HIGD1C: variants seen among roughly 807,000 people sequenced by gnomAD.
HIGD1C encodes the protein HIG1 hypoxia inducible domain family member 1C, also known as HIG1 domain family member 1C.
A neutral mutation model predicts 13.1 loss-of-function variants in HIGD1C; 11 were observed. The observed-to-expected ratio is 0.84, with a 90% CI of 0.53 to 1.39. HIGD1C has a LOEUF of 1.39. HIGD1C is among the 40% of genes most tolerant of loss of function. HIGD1C has a pLI of 0.00. For synonymous variants in HIGD1C, 36 were observed against 37.7 expected (o/e 0.95, Z 0.17); for missense variants, 110 against 112.0 (o/e 0.98, Z 0.08).
Position 50,962,203 on chromosome 12 carries a change from T to C in HIGD1C, c.229+1101T>C, listed in dbSNP as rs1939358072. On this transcript the variant is annotated intron_variant, in intron 2 of 2. Coordinates refer to ENST00000398455, the Ensembl canonical transcript of HIGD1C. ...GAGTTCGATACCAGCCTGGCCAACATGGCAAAACCCCATCTCTACTAAAAA... is the reference window on the plus strand; with the variant it reads ...GAGTTCGATACCAGCCTGGCCAACACGGCAAAACCCCATCTCTACTAAAAA... Among the ~76,000 whole-genome samples the C allele has an allele frequency of 2.0e-5, 3 of 151,354 alleles. No individual in the cohort carries two copies. The Admixed American group carries it at 2.0e-4, about 10-fold the overall frequency.
intron 1 of HIGD1C, 120 bp from the exon 4 acceptor site, chr12:50,960,847 TA>T: frequency 1.2e-6 from 1 of 804,458 alleles, no homozygotes; most frequent in African/African-American, 1.8e-5. Flanking sequence ...CATGTGTGGC[TA>T]ATTTTTTTTT....
intron 2 of HIGD1C, among the ~76,000 whole-genome samples, chr12:50,969,570 G>A (rs11169640): frequency 0.071 from 10,771 of 151,856 alleles, 725 homozygotes; most frequent in East Asian, 0.28. Context: ...CATGGTGGTG[G>A]TGCCTGTAAT....
chr12:50,958,000 T>C (rs1199985134), intron 1 of HIGD1C, among the ~76,000 whole-genome samples: 1 of 136,184 alleles, frequency 7.3e-6, no homozygotes, highest in Admixed American at 7.4e-5. Context: ...GAGGCAGGGT[T>C]TTACCATTTT....
At chr12:50,968,389 TTG>T (rs1001722646) in intron 2 of HIGD1C, among the ~76,000 whole-genome samples, 6 of 151,948 alleles carry the variant, frequency 3.9e-5, no homozygotes, top group African/African-American at 1.2e-4. Flanking sequence ...GATTCTTTTT[TTG>T]TGTGTGTGTG....
chr12:50,946,416 C>T, the HIGD1C span, among the ~76,000 whole-genome samples: 20 of 152,058 alleles, frequency 1.3e-4, no homozygotes, highest in Admixed American at 5.2e-4. Flanking sequence ...AACAAGTGGG[C>T]GAAGGATATG....
intron 1 of HIGD1C, 133 bp downstream of exon 3, chr12:50,954,225 G>A (rs1939004596): frequency 1.8e-6 from 1 of 570,018 alleles, no homozygotes; most frequent in Non-Finnish European, 3.1e-6. Context: ...CTCTAAGCAT[G>A]TGTTGAACTT....
chr12:50,968,800 C>T (rs1939647349), intron 2 of HIGD1C, among the ~76,000 whole-genome samples: 1 of 151,898 alleles, frequency 6.6e-6, no homozygotes, highest in Non-Finnish European at 1.5e-5. Context: ...CCTTGGCCTC[C>T]CAAAGTGCTG....
At chr12:50,951,682 G>C (rs73090647), upstream of HIGD1C, among the ~76,000 whole-genome samples, 27,554 of 151,902 alleles carry the variant, frequency 0.18, 2,872 homozygotes, top group East Asian at 0.5. Flanking sequence ...ACTTTTGGGA[G>C]GCCAAGGTGG....
upstream of HIGD1C, among the ~76,000 whole-genome samples, chr12:50,950,975 C>T (rs565112067): frequency 2.7e-5 from 4 of 150,906 alleles, no homozygotes; most frequent in South Asian, 2.1e-4. Context: ...TGAGCCACCG[C>T]GCCCGGCCAT....
At chr12:50,934,005 T>G in the HIGD1C span, among the ~76,000 whole-genome samples, 1 of 152,226 alleles carries the variant, frequency 6.6e-6, no homozygotes, top group Admixed American at 6.5e-5. Context: ...TGGGAGATAC[T>G]GCTCTGGGAG....
intron 1 of HIGD1C, among the ~76,000 whole-genome samples, chr12:50,954,878 A>G (rs922535884): frequency 6.6e-6 from 1 of 152,166 alleles, no homozygotes; most frequent in Non-Finnish European, 1.5e-5. Flanking sequence ...CTATCTGAAC[A>G]CTTGTGAGCA....
intron 1 of HIGD1C, among the ~76,000 whole-genome samples, chr12:50,955,358 A>T (rs1030034552): frequency 1.3e-5 from 2 of 152,200 alleles, no homozygotes; most frequent in African/African-American, 4.8e-5. Context: ...TACATTTTCA[A>T]CAAGTATTAT....
At chr12:50,953,240 G>A (rs1311449365), upstream of HIGD1C, among the ~76,000 whole-genome samples, 3 of 152,316 alleles carry the variant, frequency 2.0e-5, no homozygotes, top group Admixed American at 6.5e-5. Flanking sequence ...ACAGACAGCA[G>A]GTGGCGGGGT....
chr12:50,969,666 C>A (rs1050605893), intron 2 of HIGD1C, among the ~76,000 whole-genome samples: 9 of 150,874 alleles, frequency 6.0e-5, no homozygotes, highest in African/African-American at 2.2e-4. Flanking sequence ...GCCATTGTAC[C>A]ACTCCAGCCT....
chr12:50,957,624 C>T (rs1939148219), intron 1 of HIGD1C, among the ~76,000 whole-genome samples: 2 of 151,912 alleles, frequency 1.3e-5, no homozygotes, highest in Admixed American at 1.3e-4. Context: ...GTGGCTCACG[C>T]CTATAATCCC....
At chr12:50,968,821 C>T (rs147007038) in intron 2 of HIGD1C, among the ~76,000 whole-genome samples, 2,416 of 151,890 alleles carry the variant, frequency 0.016, 61 homozygotes, top group African/African-American at 0.055. Context: ...GGATTACAGG[C>T]ATGAGCCACC....
the HIGD1C span, among the ~76,000 whole-genome samples, chr12:50,947,653 C>T: frequency 2.6e-5 from 4 of 152,120 alleles, no homozygotes; most frequent in Admixed American, 6.5e-5. Flanking sequence ...GTAACACATT[C>T]CCAGGTTCTG....
chr12:50,959,278 C>T (rs1202224455), intron 1 of HIGD1C, among the ~76,000 whole-genome samples: 1 of 151,840 alleles, frequency 6.6e-6, no homozygotes, highest in Non-Finnish European at 1.5e-5. Context: ...CGCCACCACG[C>T]CTGGCTAATT....
the HIGD1C span, among the ~76,000 whole-genome samples, chr12:50,942,188 C>T: frequency 1.3e-5 from 2 of 152,132 alleles, no homozygotes; most frequent in African/African-American, 4.8e-5. Context: ...GGCCCATGTT[C>T]CCTTGTTCTG....
Sources: gnomAD v4.1 joint callset for allele counts (sites outside exome capture counted in the v4.1 genomes callset) on GRCh38, gnomAD v4.1.1 for gene constraint, MANE v1.5 for transcripts, NCBI Gene and HGNC (gene_info 2026-07-23, HGNC 2026-07-21) for gene names.